VAV2: variants seen among roughly 807,000 people sequenced by gnomAD.
VAV2 encodes the protein vav guanine nucleotide exchange factor 2.
A neutral mutation model predicts 132.5 loss-of-function variants in VAV2; 67 were observed. The ratio of observed to expected loss-of-function variants is 0.51; its 90% CI spans 0.42 to 0.62. The LOEUF is 0.62. Among genes scored for constraint, VAV2 ranks in the 20% least tolerant of loss-of-function variants. The pLI, the probability that VAV2 is intolerant of heterozygous loss-of-function variation, is 0.00. For synonymous variants in VAV2, 492 were observed against 443.5 expected (o/e 1.11, Z -1.37); for missense variants, 938 against 1,153.6 (o/e 0.81, Z 2.71).
In VAV2 at chr9:133,788,421, T is replaced by C; in HGVS notation, c.1340A>G (p.Lys447Arg). The change falls in exon 15 of 30, where the codon AAG (lysine) becomes AGG (arginine). Residue 447 changes from lysine (K) to arginine (R), a missense_variant. By Grantham distance (26) the Lys-to-Arg change is conservative. Coordinates refer to ENST00000371850, the MANE Select transcript of VAV2 (RefSeq NM_001134398.2). The surrounding 1 kb of genome is among the most constrained non-coding windows in gnomAD (Gnocchi z 5.3). The stretch of plus-strand genomic sequence containing the variant: ...GTGGAACAGCAGCTCGATGATCTCC[T>C]TGAGCTCGTAGCTGTAGCCCTTCCG... ...CKRKGYSYEL[K>R]EIIELLFHKM... The C allele has an allele frequency of 6.2e-7, 1 of 1,612,598 alleles. No homozygotes were observed. The highest frequency in any genetic ancestry group is 8.5e-7 in the Non-Finnish European group (1 of 1,178,734).
intron 1 of VAV2, among the ~76,000 whole-genome samples, chr9:133,958,564 C>A (rs1303748603): frequency 7.6e-6 from 1 of 131,554 alleles, no homozygotes; most frequent in African/African-American, 2.5e-5. Context: ...CACGAATGAC[C>A]AATAAATACT....
At chr9:133,987,362 T>G (rs1842888386) in intron 1 of VAV2, among the ~76,000 whole-genome samples, 1 of 151,596 alleles carries the variant, frequency 6.6e-6, no homozygotes, top group Non-Finnish European at 1.5e-5. Context: ...GGGGAGAGGG[T>G]GAAACCCAAG....
chr9:133,903,979 T>G (rs1383071057), intron 2 of VAV2, among the ~76,000 whole-genome samples: 5 of 152,278 alleles, frequency 3.3e-5, no homozygotes, highest in African/African-American at 7.2e-5. Flanking sequence ...ATTAAATATT[T>G]AAGTAAATGT....
rs374021101 is a variant in VAV2 at position 133,763,799 on chromosome 9, G to A, written c.*263C>T. On this transcript the variant is annotated 3_prime_UTR_variant, in exon 30 of 30. Transcript: ENST00000371850. This position sits in a 1 kb window ranked among gnomAD's most constrained non-coding sequence, Gnocchi z 6.8. ...CCAGAGCCTGGCTCGCAGCGCTGTC[G>A]GTGCCCCCTCCTCTGCGCTCTGGGT... 57 of 496,964 alleles carry A rather than the reference G, an allele frequency of 1.1e-4. No homozygotes were observed. The highest frequency in any genetic ancestry group is 6.6e-4 in the African/African-American group (34 of 51,284). 30.8% of individuals were successfully genotyped at this position (496,964 alleles called of 1,614,324 possible). A position where few individuals can be genotyped will look rare whatever the true frequency, so the allele number is the denominator to read the frequency against.
intron 2 of VAV2, among the ~76,000 whole-genome samples, chr9:133,866,859 G>C (rs1278734013): frequency 6.6e-6 from 1 of 151,792 alleles, no homozygotes; most frequent in Non-Finnish European, 1.5e-5. Context: ...GATGACAGAT[G>C]ATGGGGTGGT....
chr9:133,943,963 G>T (rs185624939), intron 1 of VAV2, among the ~76,000 whole-genome samples: 1 of 152,206 alleles, frequency 6.6e-6, no homozygotes, highest in Non-Finnish European at 1.5e-5. Context: ...CTTGCAAGGC[G>T]CCAGGGCGGG....
chr9:133,847,331 T>C (rs921086517), intron 3 of VAV2, among the ~76,000 whole-genome samples: 4 of 152,168 alleles, frequency 2.6e-5, no homozygotes, highest in African/African-American at 9.7e-5. Context: ...CCACCAACCC[T>C]AGCCGGGACC....
chr9:133,777,487 G>A, intron 22 of VAV2, 24 bp from the exon 23 acceptor site: 1 of 1,611,976 alleles, frequency 6.2e-7, no homozygotes, highest in Non-Finnish European at 8.5e-7. Context: ...GAGATGGTTA[G>A]GACAAGGGGG....
At chr9:133,895,084 C>T (rs775006568) in intron 2 of VAV2, among the ~76,000 whole-genome samples, 4 of 151,838 alleles carry the variant, frequency 2.6e-5, no homozygotes, top group African/African-American at 9.7e-5. Flanking sequence ...AGCTCCAAGC[C>T]GAGGCACCGA....
chr9:133,899,306 C>T (rs1839347069), intron 2 of VAV2, among the ~76,000 whole-genome samples: 1 of 151,770 alleles, frequency 6.6e-6, no homozygotes, highest in African/African-American at 2.4e-5. Flanking sequence ...CCTGTAACCC[C>T]AGCACTTTGG....
intron 1 of VAV2, among the ~76,000 whole-genome samples, chr9:133,944,316 T>C (rs1419025343): frequency 6.6e-6 from 1 of 151,992 alleles, no homozygotes; most frequent in African/African-American, 2.4e-5. Flanking sequence ...TGCCTCGCCC[T>C]CCAGAGCTGG....
At position 133,885,605 on chromosome 9, in the gene VAV2, G is replaced by A. The variant is rs1261897672; in HGVS notation, c.322-24173C>T. Reference sequence around the variant, plus strand: ...GCCGCAGGGGAGACGTGACCCCAGGGCGGACCCCTCCCAAGCTTGGTGTGG... The same window carrying A: ...GCCGCAGGGGAGACGTGACCCCAGGACGGACCCCTCCCAAGCTTGGTGTGG... On this transcript the variant is annotated intron_variant, in intron 2 of 29. Coordinates refer to ENST00000371850, the MANE Select transcript of VAV2 (RefSeq NM_001134398.2). This position sits in a 1 kb window ranked among gnomAD's most constrained non-coding sequence, Gnocchi z 5.0. Among the ~76,000 whole-genome samples, 2 of 152,166 alleles carry A rather than the reference G, an allele frequency of 1.3e-5. No individual in the cohort carries two copies. Among genetic ancestry groups the A allele is most frequent in the Admixed American group, 6.5e-5 (1 of 15,276 alleles).
chr9:133,793,534 C>T (rs1051494896), intron 12 of VAV2, among the ~76,000 whole-genome samples: 2 of 152,136 alleles, frequency 1.3e-5, no homozygotes, highest in Admixed American at 6.5e-5. Context: ...GACAAGGACC[C>T]CAGTAGCAAG....
At chr9:133,854,973 C>T (rs1321273106) in intron 3 of VAV2, among the ~76,000 whole-genome samples, 2 of 152,126 alleles carry the variant, frequency 1.3e-5, no homozygotes, top group African/African-American at 2.4e-5. Flanking sequence ...TGCCACCTTC[C>T]GTCCCCATCT....
rs540765766 is a variant in VAV2, at chr9:133,915,825, C to T, written c.321+23278G>A. ...CACGATGCACACATGCACTCACACA[C>T]GCACACGTGCACACACAACGCACAC... On this transcript the variant is annotated intron_variant, in intron 2 of 29. Transcript: ENST00000371850. Among the ~76,000 whole-genome samples, 27 of 143,844 alleles carry T rather than the reference C, an allele frequency of 1.9e-4. 1 individual carries two copies. The highest frequency in any genetic ancestry group is 1.7e-3 in the East Asian group (8 of 4,822). 94.4% of individuals were successfully genotyped at this position (143,844 alleles called of 152,430 possible). A position where few individuals can be genotyped will look rare whatever the true frequency, so the allele number is the denominator to read the frequency against.
At chr9:133,797,668 A>G in intron 10 of VAV2, 42 bp downstream of exon 10, 1 of 1,582,186 alleles carries the variant, frequency 6.3e-7, no homozygotes, top group Admixed American at 1.8e-5. Context: ...GCAAGCTGCA[A>G]CCTTGGAGCC....
intron 1 of VAV2, among the ~76,000 whole-genome samples, chr9:133,985,281 TTTTG>T (rs1242846671): frequency 1.4e-4 from 21 of 150,598 alleles, no homozygotes; most frequent in African/African-American, 5.1e-4. Context: ...TGTGTTTTGT[TTTTG>T]TTTTTGTTTT....
chr9:133,854,167 G>A (rs760126491), intron 3 of VAV2, among the ~76,000 whole-genome samples: 5 of 145,256 alleles, frequency 3.4e-5, no homozygotes, highest in Middle Eastern at 3.6e-3. Flanking sequence ...ATCTGCATAT[G>A]CACACACACC....
intron 2 of VAV2, among the ~76,000 whole-genome samples, chr9:133,905,528 T>G (rs1378544942): frequency 6.6e-6 from 1 of 151,532 alleles, no homozygotes; most frequent in Non-Finnish European, 1.5e-5. Flanking sequence ...GAGCCCAACA[T>G]GCCCATCCCT....
Sources: gnomAD v4.1 joint callset for allele counts (sites outside exome capture counted in the v4.1 genomes callset) on GRCh38, gnomAD v4.1.1 for gene constraint, Gnocchi (gnomAD v3.1) non-coding constraint, MANE v1.5 for transcripts, NCBI Gene and HGNC (gene_info 2026-07-23, HGNC 2026-07-21) for gene names.